LONRF1: variants seen among roughly 807,000 people sequenced by gnomAD.
The protein encoded by LONRF1 is LON peptidase N-terminal domain and ring finger 1, also known as LON peptidase N-terminal domain and RING finger protein 1.
LONRF1 carries 37 observed loss-of-function variants against 85.8 expected under a neutral mutation model. That is an observed-to-expected ratio of 0.43 (90% CI 0.33 to 0.57). The LOEUF (loss-of-function observed/expected upper bound fraction) is 0.57. Ranked by LOEUF, LONRF1 falls within the 20% of genes least tolerant of loss-of-function variation. LONRF1 has a pLI of 0.04. For missense variants in LONRF1, 1,036 were observed against 978.0 expected (o/e 1.06, Z -0.79); for synonymous variants, 517 against 390.1 (o/e 1.33, Z -3.83).
rs1805919214 is a variant in LONRF1 at position 12,722,269 on chromosome 8, G to C, written c.*827C>G. 1 of 152,558 alleles carries C rather than the reference G, an allele frequency of 6.6e-6. No homozygotes were observed. 9.5% of individuals were successfully genotyped at this position (152,558 alleles called of 1,614,324 possible). A position where few individuals can be genotyped will look rare whatever the true frequency, so the allele number is the denominator to read the frequency against. On this transcript the variant is annotated 3_prime_UTR_variant, in exon 12 of 12. Transcript: ENST00000398246. Reference sequence around the variant, plus strand: ...AAACTATAAATTACACAAATGGGCAGTTAATGTGAAAAGCCCCCTAAAATG... The same window carrying C: ...AAACTATAAATTACACAAATGGGCACTTAATGTGAAAAGCCCCCTAAAATG...
Position 12,737,159 on chromosome 8 carries a change from C to G in LONRF1, c.1114-19G>C, listed in dbSNP as rs777475645. The G allele has an allele frequency of 2.5e-6, 4 of 1,606,054 alleles. No individual in the cohort carries two copies. In the African/African-American group the frequency reaches 4.0e-5, roughly 16 times the overall value. ...CTTCACTCTACAAAAATACAATAAA[C>G]AAAGGTAACTGTATTTCTTTACTAT... On this transcript the variant is annotated intron_variant, in intron 4 of 11. Transcript: ENST00000398246.
At chr8:12,751,754 G>C (rs56840094) in intron 1 of LONRF1, among the ~76,000 whole-genome samples, 9,666 of 150,446 alleles carry the variant, frequency 0.064, 867 homozygotes, top group African/African-American at 0.2. Flanking sequence ...CTCTGGGGGA[G>C]AGGTGAACAC....
At position 12,729,331 on chromosome 8, in the gene LONRF1, A is replaced by G; in HGVS notation, c.1690T>C (p.Leu564=). 4 of 1,612,808 alleles carry G rather than the reference A, an allele frequency of 2.5e-6. No homozygotes were observed. The highest frequency in any genetic ancestry group is 3.4e-6 in the Non-Finnish European group (4 of 1,179,526). Residue 564 remains leucine, a splice_region_variant and synonymous_variant, in exon 9 of 12, where the codon TTG becomes CTG. Transcript: ENST00000398246. ...YDEETAELSH[L]TKNVPIFVCT... is the part of the protein sequence containing the mutation. ...ACAAATATTGGAACATTCTTGGTCAAGCTAAGGGAAAAACAGTTTAATTAT... is the reference window on the plus strand; with the variant it reads ...ACAAATATTGGAACATTCTTGGTCAGGCTAAGGGAAAAACAGTTTAATTAT...
intron 10 of LONRF1, among the ~76,000 whole-genome samples, chr8:12,727,795 T>C (rs537913249): frequency 1.1e-4 from 17 of 152,274 alleles, no homozygotes; most frequent in African/African-American, 4.1e-4. Flanking sequence ...CACAATACTT[T>C]CGGCCAACTG....
chr8:12,748,388 G>A (rs1029488063), intron 1 of LONRF1, among the ~76,000 whole-genome samples: 10 of 110,454 alleles, frequency 9.1e-5, no homozygotes, highest in African/African-American at 1.9e-4. Context: ...GTACAGATAC[G>A]GTACCACTAT....
intron 3 of LONRF1, among the ~76,000 whole-genome samples, chr8:12,739,214 A>G (rs1352554714): frequency 6.6e-6 from 1 of 152,134 alleles, no homozygotes; most frequent in Non-Finnish European, 1.5e-5. Flanking sequence ...TATCAGGAAA[A>G]AATACTGGAA....
At position 12,755,436 on chromosome 8, in the gene LONRF1, G is replaced by GCGCCGC. The variant is rs1319988004; in HGVS notation, c.-22_-17dup. Reference sequence around the variant, plus strand: ...GAGAGGACATGGCCCGCGGAGGGCTGCGCCGCCGCCGCCCGCCGCCACGGT... The same window carrying GCGCCGC: ...GAGAGGACATGGCCCGCGGAGGGCTGCGCCGCCGCCGCCGCCGCCCGCCGCCACGGT... On this transcript the variant is annotated 5_prime_UTR_variant, in exon 1 of 12. Coordinates refer to ENST00000398246, the MANE Select transcript of LONRF1 (RefSeq NM_152271.5). The GCGCCGC allele has an allele frequency of 3.6e-6, 4 of 1,122,990 alleles. No homozygotes were observed. The highest frequency in any genetic ancestry group is 4.4e-6 in the Non-Finnish European group (4 of 918,052). 69.6% of individuals were successfully genotyped at this position (1,122,990 alleles called of 1,614,324 possible). A position where few individuals can be genotyped will look rare whatever the true frequency, so the allele number is the denominator to read the frequency against.
chr8:12,727,067 C>G (rs1055214188), intron 10 of LONRF1, among the ~76,000 whole-genome samples: 1 of 150,316 alleles, frequency 6.7e-6, no homozygotes, highest in African/African-American at 2.4e-5. Context: ...GATTCAGGCC[C>G]CTGCTAACAT....
At position 12,737,985 on chromosome 8, in the gene LONRF1, C is replaced by T; in HGVS notation, c.1113+10G>A. Reference sequence around the variant, plus strand: ...CGCTAAACTCATGATAACCTTGTCTCACCCCGTACCTGCTTTGGGCTAGGT... The same window carrying T: ...CGCTAAACTCATGATAACCTTGTCTTACCCCGTACCTGCTTTGGGCTAGGT... On this transcript the variant is annotated intron_variant, in intron 4 of 11. Transcript: ENST00000398246. The T allele has an allele frequency of 6.3e-7, 1 of 1,595,570 alleles. No individual in the cohort carries two copies.
chr8:12,729,077 T>A lies in LONRF1; in HGVS notation c.1848-14A>T. The stretch of plus-strand genomic sequence containing the variant: ...TAATCTGCAAAACTAAAAGAAAACC[T>A]TGATTAGTAACAAAGTTGAAACATA... On this transcript the variant is annotated splice_polypyrimidine_tract_variant and intron_variant, in intron 9 of 11. Coordinates refer to ENST00000398246, the MANE Select transcript of LONRF1 (RefSeq NM_152271.5). 22 of 1,613,106 alleles carry A rather than the reference T, an allele frequency of 1.4e-5. No homozygotes were observed. The highest frequency in any genetic ancestry group is 1.8e-5 in the Non-Finnish European group (21 of 1,179,392).
rs759918549 is a variant in LONRF1, at chr8:12,743,171, C to T, written c.833G>A (p.Trp278Ter). The stretch of plus-strand genomic sequence containing the variant: ...ATAAAACAGTAATTTTACCTCAGGC[C>T]AATCTGGAAGTTGAAAAAGAACTGC... Reference protein sequence around the residue: ...LNAVLFQLPDWPEVYFRKGKV... With the variant: ...LNAVLFQLPD Residue 278 changes from tryptophan to a stop codon, truncating the protein, a stop_gained, in exon 2 of 12, where the codon TGG becomes TAG. Coordinates refer to ENST00000398246, the MANE Select transcript of LONRF1 (RefSeq NM_152271.5). LOFTEE classifies it high-confidence loss of function. 6.2e-7 allele frequency: 1 copy of T among 1,602,410 alleles called. No homozygotes were observed.
At chr8:12,726,035 C>T (rs11782145) in intron 10 of LONRF1, 156 bp from the exon 11 acceptor site, 526,696 of 619,776 alleles carry the variant, frequency 0.85, 225,231 homozygotes, top group East Asian at 0.96. Context: ...CTTTAATACA[C>T]ATTTCTGTCT....
At chr8:12,745,580 C>T (rs796415999) in intron 1 of LONRF1, among the ~76,000 whole-genome samples, 61 of 152,306 alleles carry the variant, frequency 4.0e-4, no homozygotes, top group African/African-American at 1.3e-3. Context: ...ATGCTCTCTA[C>T]GTGACCTTGA....
intron 1 of LONRF1, among the ~76,000 whole-genome samples, chr8:12,745,358 G>C (rs908353553): frequency 6.9e-6 from 1 of 144,878 alleles, no homozygotes; most frequent in Middle Eastern, 3.6e-3. Context: ...AACCCCATCA[G>C]GTGAGTTCAA....
intron 7 of LONRF1, among the ~76,000 whole-genome samples, chr8:12,733,798 T>C (rs988502245): frequency 2.0e-5 from 3 of 152,110 alleles, no homozygotes; most frequent in African/African-American, 4.8e-5. Flanking sequence ...CAAAATAAAA[T>C]GACAAGTAGG....
intron 1 of LONRF1, among the ~76,000 whole-genome samples, chr8:12,752,291 TTATGACTG>T (rs1799439383): frequency 1.3e-5 from 2 of 152,336 alleles, no homozygotes; most frequent in Middle Eastern, 3.4e-3. Flanking sequence ...TACAAACAGC[TTATGACTG>T]TACTAGTTAA....
Position 12,731,829 on chromosome 8 carries a change from G to C in LONRF1, c.1595C>G (p.Thr532Arg). 6.2e-7 allele frequency: 1 copy of C among 1,612,944 alleles called. No homozygotes were observed. Among genetic ancestry groups the C allele is most frequent in the Non-Finnish European group, 8.5e-7 (1 of 1,179,188 alleles). ...EYLADRRYCV[T>R]QLLEELIVKY... is the part of the protein sequence containing the mutation. ...CACTATTAATTCTTCCAACAGCTGT[G>C]TGACACAGTACCTCCTATCTGCTAG... Residue 532 changes from threonine (T) to arginine (R), a missense_variant, in exon 8 of 12, where the codon ACA (threonine) becomes AGA (arginine). By Grantham distance (71) the Thr-to-Arg change is moderately conservative. This residue lies in a region of LONRF1 where 265 missense variants were observed against 301.5 expected (regional missense o/e 0.88). Coordinates refer to ENST00000398246, the MANE Select transcript of LONRF1 (RefSeq NM_152271.5).
chr8:12,735,343 A>C lies in LONRF1; in HGVS notation c.1509T>G (p.Leu503=). The C allele has an allele frequency of 6.2e-7, 1 of 1,608,710 alleles. No individual in the cohort carries two copies. The highest frequency in any genetic ancestry group is 8.5e-7 in the Non-Finnish European group (1 of 1,176,936). ...ATGGTGCATGATCTAAACAACGCTC[A>C]AGACAATTCTTACAGAACGAATGTC... ...PCGHSFCKNC[L]ERCLDHAPYC... The change falls in exon 7 of 12, where the codon CTT becomes CTG. Residue 503 remains leucine, a synonymous_variant. Transcript: ENST00000398246.
chr8:12,745,482 G>A (rs1005279163), intron 1 of LONRF1, among the ~76,000 whole-genome samples: 6 of 152,114 alleles, frequency 3.9e-5, no homozygotes, highest in Admixed American at 3.9e-4. Flanking sequence ...TGCCTTCCAC[G>A]TAAACTTTCA....
Sources: gnomAD v4.1 joint callset for allele counts (sites outside exome capture counted in the v4.1 genomes callset) on GRCh38, gnomAD v4.1.1 for gene constraint, gnomAD v4.1.1 regional missense constraint, MANE v1.5 for transcripts, NCBI Gene and HGNC (gene_info 2026-07-23, HGNC 2026-07-21) for gene names.